Variants in SELENOF observed in about 807,000 individuals in gnomAD.
SELENOF encodes 15 kDa selenoprotein.
A neutral mutation model predicts 20.5 loss-of-function variants in SELENOF; 16 were observed. The observed-to-expected ratio is 0.78, with a 90% confidence interval of 0.53 to 1.19. SELENOF has a LOEUF of 1.19. Ranked by LOEUF, SELENOF falls within the 50% of genes most tolerant of loss-of-function variation. The pLI, the probability that SELENOF is intolerant of heterozygous loss-of-function variation, is 0.00. For missense variants in SELENOF, 215 were observed against 194.2 expected, an observed-to-expected ratio of 1.11 and a Z score of -0.64; for synonymous variants, 78 against 74.5, an observed-to-expected ratio of 1.05 and a Z score of -0.24.
intron 4 of SELENOF, among the ~76,000 whole-genome samples, chr1:86,866,219 AG>A (rs1336348906): frequency 3.1e-4 from 27 of 87,280 alleles, no homozygotes; most frequent in Middle Eastern, 6.4e-3. Context: ...AAAAAAAAAA[AG>A]TGTGTGTCTC....
chr1:86,895,572 A>G (rs1436709420), intron 2 of SELENOF, among the ~76,000 whole-genome samples: 1 of 152,220 alleles, frequency 6.6e-6, no homozygotes, highest in Non-Finnish European at 1.5e-5. Flanking sequence ...TTGTCCAAGA[A>G]CACTCGCTGA....
intron 2 of SELENOF, among the ~76,000 whole-genome samples, chr1:86,899,635 G>C (rs1226659269): frequency 1.3e-5 from 2 of 150,894 alleles, no homozygotes; most frequent in Admixed American, 1.3e-4. Context: ...TGGCCTGGCG[G>C]GGGGCTGACC....
intron 2 of SELENOF, among the ~76,000 whole-genome samples, chr1:86,892,625 T>C (rs1469761776): frequency 6.6e-6 from 1 of 152,218 alleles, no homozygotes; most frequent in African/African-American, 2.4e-5. Flanking sequence ...TATGAGTAAC[T>C]GCAACTGGCT....
At chr1:86,896,013 AGGTCAGTAG>A (rs1659512969) in intron 2 of SELENOF, among the ~76,000 whole-genome samples, 1 of 152,156 alleles carries the variant, frequency 6.6e-6, no homozygotes, top group Admixed American at 6.5e-5. Context: ...GGAACACCTG[AGGTCAGTAG>A]TTTGAGACCA....
At chr1:86,882,018 G>A (rs769707965) in intron 2 of SELENOF, among the ~76,000 whole-genome samples, 29 of 152,148 alleles carry the variant, frequency 1.9e-4, no homozygotes, top group Non-Finnish European at 3.7e-4. Flanking sequence ...CGGATCACGA[G>A]GTCAAGAGAT....
At chr1:86,907,964 C>T (rs932662267) in intron 1 of SELENOF, among the ~76,000 whole-genome samples, 6 of 147,180 alleles carry the variant, frequency 4.1e-5, no homozygotes, top group East Asian at 2.0e-4. Flanking sequence ...CCAGCCTGGG[C>T]GGTAAGTGTG....
intron 2 of SELENOF, among the ~76,000 whole-genome samples, chr1:86,893,190 A>G (rs1659432414): frequency 6.6e-6 from 1 of 152,196 alleles, no homozygotes; most frequent in Non-Finnish European, 1.5e-5. Context: ...TAGGTAAAAC[A>G]CTTAGCGTAT....
At chr1:86,885,458 C>A (rs12097820) in intron 2 of SELENOF, among the ~76,000 whole-genome samples, 1 of 152,130 alleles carries the variant, frequency 6.6e-6, no homozygotes. Context: ...GAGAATTACA[C>A]ACATTTTCTG....
At chr1:86,897,556 C>A (rs75875632) in intron 2 of SELENOF, among the ~76,000 whole-genome samples, 3,864 of 152,110 alleles carry the variant, frequency 0.025, 84 homozygotes, top group African/African-American at 0.056. Flanking sequence ...TATAAAATAT[C>A]TAGGGGACTG....
intron 3 of SELENOF, among the ~76,000 whole-genome samples, chr1:86,878,811 G>A (rs952824745): frequency 6.6e-6 from 1 of 152,144 alleles, no homozygotes; most frequent in Non-Finnish European, 1.5e-5. Context: ...TTCTGAGGGT[G>A]GGAATTTAAT....
Position 86,880,896 on chromosome 1 carries a change from G to A in SELENOF, c.253-171C>T, listed in dbSNP as rs150365629. Among the ~76,000 whole-genome samples the A allele has an allele frequency of 5.4e-3, 818 of 152,330 alleles. 10 individuals carry two copies. Among genetic ancestry groups the A allele is most frequent in the African/African-American group, 0.019 (776 of 41,584 alleles). ...CATGTAGTTCCAGTCTAATGGAAGA[G>A]AAGATGGAGGCCCAAGTATAATAAA... On this transcript the variant is annotated intron_variant, in intron 2 of 4. Coordinates refer to ENST00000331835, the MANE Select transcript of SELENOF (RefSeq NM_004261.5).
At chr1:86,894,280 G>A (rs906147229) in intron 2 of SELENOF, among the ~76,000 whole-genome samples, 21 of 150,814 alleles carry the variant, frequency 1.4e-4, no homozygotes, top group Non-Finnish European at 2.5e-4. Context: ...AATAAGAGAA[G>A]AATATTAGTA....
intron 2 of SELENOF, among the ~76,000 whole-genome samples, chr1:86,897,751 T>A (rs531507027): frequency 6.6e-6 from 1 of 152,116 alleles, no homozygotes; most frequent in Non-Finnish European, 1.5e-5. Flanking sequence ...TTCAAAAAAA[T>A]TTTTTGAAAG....
At chr1:86,914,374 A>G (rs887541908), upstream of SELENOF, 3 of 520,900 alleles carry the variant, frequency 5.8e-6, no homozygotes, top group Admixed American at 9.5e-5. Context: ...ACACTTCGTC[A>G]AGCAGCCAAG....
chr1:86,910,629 G>A (rs1353834385), intron 1 of SELENOF, among the ~76,000 whole-genome samples: 4 of 99,078 alleles, frequency 4.0e-5, no homozygotes, highest in African/African-American at 1.6e-4. Context: ...GCTTGATCCC[G>A]GGAGGCAGAG....
chr1:86,867,954 C>A, intron 4 of SELENOF, 99 bp downstream of exon 4: 2 of 492,682 alleles, frequency 4.1e-6, no homozygotes, highest in Non-Finnish European at 3.5e-6. Context: ...AATATTTGCA[C>A]ATGTTTATGG....
chr1:86,913,052 T>C (rs1336588269), intron 1 of SELENOF, among the ~76,000 whole-genome samples: 3 of 152,206 alleles, frequency 2.0e-5, no homozygotes, highest in African/African-American at 4.8e-5. Context: ...GAATGTTAAT[T>C]ACAGAAGTTA....
rs780825768 is a variant in SELENOF at position 86,914,097 on chromosome 1, C to A, written c.15G>T (p.Ala5=). The A allele has an allele frequency of 3.1e-6, 5 of 1,613,996 alleles. No individual in the cohort carries two copies. Among genetic ancestry groups the A allele is most frequent in the Non-Finnish European group, 4.2e-6 (5 of 1,179,896 alleles). Residue 5 remains alanine, a synonymous_variant, in exon 1 of 5, where the codon GCG becomes GCT. Coordinates refer to ENST00000331835, the MANE Select transcript of SELENOF (RefSeq NM_004261.5). MVAM[A]AGPSGCLVPA... ...GCACCAGACACCCACTCGGCCCAGC[C>A]GCCATCGCTACCATTTTCCGCAGGT... is the stretch of plus-strand genomic sequence containing the variant.
At chr1:86,887,110 T>TC (rs1659239736) in intron 2 of SELENOF, 8 of 1,477,824 alleles carry the variant, frequency 5.4e-6, no homozygotes, top group Non-Finnish European at 7.2e-6. Context: ...CTGTTCATCT[T>TC]CAAGTCTTCC....
Sources: allele counts gnomAD v4.1 joint callset (sites outside exome capture counted in the v4.1 genomes callset), GRCh38; gene constraint gnomAD v4.1.1; transcripts MANE v1.5; gene names NCBI Gene and HGNC (gene_info 2026-07-23, HGNC 2026-07-21).